The following PCDH15 variants were observed in gnomAD, a reference collection of about 807,000 sequenced individuals.
PCDH15 encodes protocadherin related 15.
Under a neutral mutation model 178.5 loss-of-function variants are expected in PCDH15, and 129 were observed. That is an observed-to-expected ratio of 0.72 (90% CI 0.63 to 0.84). PCDH15 has a LOEUF of 0.84. PCDH15 is among the 40% of genes least tolerant of loss of function. PCDH15 has a pLI of 0.00. For missense variants in PCDH15, 2,230 were observed against 2,099.9 expected (o/e 1.06, Z -1.21); for synonymous variants, 800 against 732.0 (o/e 1.09, Z -1.50).
At chr10:54,962,871 A>C (rs1838691414) in intron 2 of PCDH15, among the ~76,000 whole-genome samples, 1 of 152,224 alleles carries the variant, frequency 6.6e-6, no homozygotes, top group African/African-American at 2.4e-5. Flanking sequence ...AGAAATACTC[A>C]GGAAGAAGGC....
intron 2 of PCDH15, among the ~76,000 whole-genome samples, chr10:55,068,901 G>C (rs1397077830): frequency 6.6e-6 from 1 of 151,226 alleles, no homozygotes; most frequent in East Asian, 2.0e-4. Context: ...TCCTTTTTTG[G>C]TTATTATTAT....
At chr10:54,397,726 G>A (rs1422375559) in intron 3 of PCDH15, among the ~76,000 whole-genome samples, 1 of 151,954 alleles carries the variant, frequency 6.6e-6, no homozygotes, top group Non-Finnish European at 1.5e-5. Context: ...TGTGGTGATA[G>A]AGTTTTTTCT....
chr10:54,108,757 G>A (rs1428115215), intron 15 of PCDH15, among the ~76,000 whole-genome samples: 3 of 152,050 alleles, frequency 2.0e-5, no homozygotes, highest in Non-Finnish European at 4.4e-5. Flanking sequence ...GAGAGAAGAG[G>A]GAATTGTAAA....
chr10:54,718,729 T>C (rs1396173545), intron 1 of PCDH15, among the ~76,000 whole-genome samples: 1 of 146,834 alleles, frequency 6.8e-6, no homozygotes, highest in Non-Finnish European at 1.5e-5. Context: ...TCTCACTCTG[T>C]TGCCCAAGCT....
rs1250565764 is a variant in PCDH15, at chr10:53,805,061, C to G, written c.*1518G>C. ...GGAAATCTGAAGTAAAAACATACTACTCTTACAAGTCGGCAAGTTTATGTC... is the reference window on the plus strand; with the variant it reads ...GGAAATCTGAAGTAAAAACATACTAGTCTTACAAGTCGGCAAGTTTATGTC... On this transcript the variant is annotated 3_prime_UTR_variant, in exon 38 of 38. Coordinates refer to ENST00000644397, the MANE Select transcript of PCDH15 (RefSeq NM_001384140.1). 1 of 151,930 alleles carries G rather than the reference C, an allele frequency of 6.6e-6. No homozygotes were observed. The highest frequency in any genetic ancestry group is 1.5e-5 in the Non-Finnish European group (1 of 67,948). 9.4% of individuals were successfully genotyped at this position (151,930 alleles called of 1,614,324 possible).
intron 2 of PCDH15, among the ~76,000 whole-genome samples, chr10:55,012,597 G>T (rs1424289807): frequency 6.6e-6 from 1 of 152,002 alleles, no homozygotes; most frequent in Non-Finnish European, 1.5e-5. Flanking sequence ...ATTCAATGGT[G>T]CTTTATAAAA....
intron 5 of PCDH15, among the ~76,000 whole-genome samples, chr10:54,363,555 A>G (rs1946365502): frequency 6.6e-6 from 1 of 152,168 alleles, no homozygotes; most frequent in Non-Finnish European, 1.5e-5. Context: ...ACTATGGAAA[A>G]TCTTTGAAGA....
intron 1 of PCDH15, among the ~76,000 whole-genome samples, chr10:54,680,893 G>C (rs894197516): frequency 1.3e-5 from 2 of 152,164 alleles, no homozygotes; most frequent in Admixed American, 6.5e-5. Flanking sequence ...AATACAGAGA[G>C]AGAAAGAAGG....
intron 3 of PCDH15, among the ~76,000 whole-genome samples, chr10:54,876,232 T>C (rs1400532914): frequency 6.6e-6 from 1 of 152,042 alleles, no homozygotes; most frequent in East Asian, 1.9e-4. Context: ...ACTATTGAGA[T>C]CTACTTCACA....
chr10:55,242,099 G>T (rs16907157), intron 1 of PCDH15, among the ~76,000 whole-genome samples: 3 of 152,038 alleles, frequency 2.0e-5, no homozygotes, highest in African/African-American at 7.3e-5. Flanking sequence ...ACGTGCACAT[G>T]ACTAGTGAGG....
intron 14 of PCDH15, among the ~76,000 whole-genome samples, chr10:54,144,497 G>A (rs559850085): frequency 1.3e-5 from 2 of 152,162 alleles, no homozygotes; most frequent in East Asian, 3.9e-4. Context: ...CATCATGATT[G>A]CTTTCTTGCC....
chr10:54,557,024 A>G (rs552217734), intron 2 of PCDH15, among the ~76,000 whole-genome samples: 2 of 152,258 alleles, frequency 1.3e-5, no homozygotes, highest in East Asian at 3.9e-4. Flanking sequence ...CTTTATCAGA[A>G]TCTTTAAAGA....
intron 11 of PCDH15, among the ~76,000 whole-genome samples, chr10:54,192,443 T>C (rs986332033): frequency 5.9e-5 from 9 of 151,834 alleles, no homozygotes; most frequent in Admixed American, 3.3e-4. Flanking sequence ...GGGGACAAAA[T>C]AGGAAGATCT....
chr10:55,044,367 C>A (rs773331919), intron 2 of PCDH15, among the ~76,000 whole-genome samples: 13 of 152,202 alleles, frequency 8.5e-5, no homozygotes, highest in Admixed American at 4.6e-4. Flanking sequence ...TTGGCAATAA[C>A]CTCCTAGTAT....
At chr10:55,235,594 C>T (rs1273565206) in intron 1 of PCDH15, among the ~76,000 whole-genome samples, 1 of 151,958 alleles carries the variant, frequency 6.6e-6, no homozygotes, top group African/African-American at 2.4e-5. Flanking sequence ...CACATTCACC[C>T]AGGGACCATA....
In PCDH15 at chr10:53,806,501, T is replaced by C. The variant is rs1841168439; in HGVS notation, c.*78A>G. 8.2e-7 allele frequency: 1 copy of C among 1,223,488 alleles called. No homozygotes were observed. Among genetic ancestry groups the C allele is most frequent in the Non-Finnish European group, 1.1e-6 (1 of 887,926 alleles). The allele number at this position is 1,223,488 out of a possible 1,614,324, so 75.8% of individuals were successfully genotyped here. ...TGCATGATATAAATTCCATACATTG[T>C]TTTCTCAGTGACAATAAAAAGCACA... is the stretch of plus-strand genomic sequence containing the variant. On this transcript the variant is annotated 3_prime_UTR_variant, in exon 38 of 38. Transcript: ENST00000644397.
chr10:53,934,801 G>A (rs2085421565), intron 25 of PCDH15, among the ~76,000 whole-genome samples: 1 of 152,056 alleles, frequency 6.6e-6, no homozygotes, highest in African/African-American at 2.4e-5. Flanking sequence ...TTTCCGGGCT[G>A]CTTTCCTTGT....
chr10:54,678,244 A>G (rs76549135), intron 1 of PCDH15, among the ~76,000 whole-genome samples: 3,411 of 152,326 alleles, frequency 0.022, 129 homozygotes, highest in African/African-American at 0.077. Flanking sequence ...CATTTTGGGC[A>G]TAGTCATCAC....
At chr10:54,055,850 A>C (rs1416262725) in intron 18 of PCDH15, among the ~76,000 whole-genome samples, 1 of 152,230 alleles carries the variant, frequency 6.6e-6, no homozygotes, top group Non-Finnish European at 1.5e-5. Flanking sequence ...ATAGATCTTT[A>C]TCTTCTCACT....
Sources: gnomAD v4.1 joint callset for allele counts (sites outside exome capture counted in the v4.1 genomes callset) on GRCh38, gnomAD v4.1.1 for gene constraint, MANE v1.5 for transcripts, NCBI Gene and HGNC (gene_info 2026-07-23, HGNC 2026-07-21) for gene names.